GAD2: variants seen among roughly 807,000 people sequenced by gnomAD.
The protein encoded by GAD2 is 65 kDa glutamic acid decarboxylase.
A neutral mutation model predicts 80.1 loss-of-function variants in GAD2; 22 were observed. The ratio of observed to expected loss-of-function variants is 0.27; its 90% CI spans 0.20 to 0.39. The LOEUF is 0.39. Ranked by LOEUF, GAD2 falls within the 10% of genes least tolerant of loss-of-function variation. The pLI is 1.00. For missense variants in GAD2, 624 were observed against 738.4 expected, an observed-to-expected ratio of 0.85 and a Z score of 1.80; for synonymous variants, 274 against 256.9, an observed-to-expected ratio of 1.07 and a Z score of -0.64.
chr10:26,269,558 G>A (rs958293486), intron 9 of GAD2, among the ~76,000 whole-genome samples: 2 of 152,204 alleles, frequency 1.3e-5, no homozygotes, highest in African/African-American at 4.8e-5. Flanking sequence ...TTTTTCCCGT[G>A]TAGGTGCATG....
At chr10:26,286,952 G>A (rs986238390) in intron 13 of GAD2, among the ~76,000 whole-genome samples, 2 of 151,102 alleles carry the variant, frequency 1.3e-5, no homozygotes, top group African/African-American at 4.8e-5. Context: ...TAGTTACAAA[G>A]CTTTTTATTT....
chr10:26,280,979 CCACCCG>C (rs1845264408), intron 11 of GAD2, 24 bp from the exon 12 acceptor site: 4 of 1,572,448 alleles, frequency 2.5e-6, no homozygotes, highest in Non-Finnish European at 2.6e-6. Context: ...GGGTGGAGTG[CCACCCG>C]CTTATGTGAT....
intron 8 of GAD2, among the ~76,000 whole-genome samples, chr10:26,267,588 T>A (rs372234585): frequency 6.6e-6 from 1 of 152,196 alleles, no homozygotes; most frequent in Middle Eastern, 3.2e-3. Flanking sequence ...CAAATGTAAC[T>A]GTAATGCCCC....
At chr10:26,252,587 G>C (rs1844892317) in intron 8 of GAD2, among the ~76,000 whole-genome samples, 1 of 152,100 alleles carries the variant, frequency 6.6e-6, no homozygotes, top group South Asian at 2.1e-4. Context: ...CTGACCTCAG[G>C]TGATCCACCC....
At chr10:26,283,839 C>G (rs553165364) in intron 12 of GAD2, among the ~76,000 whole-genome samples, 2 of 152,328 alleles carry the variant, frequency 1.3e-5, no homozygotes, top group South Asian at 2.1e-4. Flanking sequence ...GATTAGATGA[C>G]TGCATCAGAA....
chr10:26,225,191 G>T (rs1005918069), intron 6 of GAD2, among the ~76,000 whole-genome samples: 4 of 152,092 alleles, frequency 2.6e-5, no homozygotes, highest in African/African-American at 9.7e-5. Flanking sequence ...AAAAATAGAG[G>T]GTGACGATTT....
intron 6 of GAD2, among the ~76,000 whole-genome samples, chr10:26,225,701 A>G (rs954622037): frequency 6.6e-6 from 1 of 152,228 alleles, no homozygotes. Context: ...GGCTTAAGTT[A>G]AGCATGTTTG....
Position 26,241,179 on chromosome 10 carries a change from G to A in GAD2, c.841-4742G>A, listed in dbSNP as rs1301799968. ...AGAAATATGATTTAATCCTAAATAAGCACTAGATTCTATTATCAAGGCTCT... is the reference window on the plus strand; with the variant it reads ...AGAAATATGATTTAATCCTAAATAAACACTAGATTCTATTATCAAGGCTCT... On this transcript the variant is annotated intron_variant, in intron 7 of 15. Coordinates refer to ENST00000376261, the MANE Select transcript of GAD2 (RefSeq NM_001134366.2). 9.2e-5 allele frequency among the ~76,000 whole-genome samples: 14 copies of A among 152,176 alleles called. No homozygotes were observed. In the East Asian group the frequency reaches 2.7e-3, roughly 29 times the overall value.
Position 26,279,984 on chromosome 10 carries a change from T to G in GAD2, c.1158-1025T>G, listed in dbSNP as rs374357876. Among the ~76,000 whole-genome samples the G allele has an allele frequency of 3.9e-5, 6 of 152,350 alleles. No homozygotes were observed. The East Asian group carries it at 1.2e-3, about 29-fold the overall frequency. On this transcript the variant is annotated intron_variant, in intron 11 of 15. Transcript: ENST00000376261. ...TAAGCAGTGGAATGAGCCCTCTCTT[T>G]GAGCTCCAGGACACTGCAATAGCAA...
At chr10:26,286,222 C>G in intron 12 of GAD2, 123 bp from the exon 13 acceptor site, 1 of 875,120 alleles carries the variant, frequency 1.1e-6, no homozygotes, top group Non-Finnish European at 1.7e-6. Context: ...AAAATTGATT[C>G]TTACTGTTTT....
intron 6 of GAD2, among the ~76,000 whole-genome samples, chr10:26,225,692 G>C (rs962818514): frequency 1.3e-5 from 2 of 152,182 alleles, no homozygotes; most frequent in African/African-American, 4.8e-5. Context: ...CAAGGCCAGG[G>C]CTTAAGTTAA....
intron 7 of GAD2, among the ~76,000 whole-genome samples, chr10:26,237,578 C>T (rs1844690415): frequency 6.6e-6 from 1 of 152,020 alleles, no homozygotes; most frequent in African/African-American, 2.4e-5. Context: ...CAGTGATTTC[C>T]TTAAGAGGGA....
intron 8 of GAD2, among the ~76,000 whole-genome samples, chr10:26,249,862 G>A (rs1181477428): frequency 6.6e-6 from 1 of 152,122 alleles, no homozygotes; most frequent in Non-Finnish European, 1.5e-5. Flanking sequence ...TGGGGGAAAG[G>A]GACCATGGAC....
chr10:26,254,689 A>G (rs1238473464), intron 8 of GAD2, among the ~76,000 whole-genome samples: 2 of 152,252 alleles, frequency 1.3e-5, no homozygotes. Flanking sequence ...GCAGGGGAAC[A>G]ACAGCATATT....
rs1247305898 is a variant in GAD2, at chr10:26,304,382, A to C, written c.*3421A>C. The C allele has an allele frequency of 2.6e-5, 4 of 152,668 alleles. No homozygotes were observed. The highest frequency in any genetic ancestry group is 1.3e-4 in the Admixed American group (2 of 15,274). 9.5% of individuals were successfully genotyped at this position (152,668 alleles called of 1,614,324 possible). The stretch of plus-strand genomic sequence containing the variant: ...ACCGTTCCCAAATTGGTGTTTCTGA[A>C]TGACATCAACATTCCCCCAACATTA... On this transcript the variant is annotated 3_prime_UTR_variant, in exon 16 of 16. Coordinates refer to ENST00000376261, the MANE Select transcript of GAD2 (RefSeq NM_001134366.2).
At position 26,247,450 on chromosome 10, in the gene GAD2, A is replaced by G. The variant is rs12258527; in HGVS notation, c.920+1450A>G. ...CTCAGCCTCATTTTCCCCAGCTCCT[A>G]TTCAAGATGGAGTTACTCATATTCA... On this transcript the variant is annotated intron_variant, in intron 8 of 15. Coordinates refer to ENST00000376261, the MANE Select transcript of GAD2 (RefSeq NM_001134366.2). Among the ~76,000 whole-genome samples, 477 of 152,200 alleles carry G rather than the reference A, an allele frequency of 3.1e-3. 6 individuals carry two copies. The highest frequency in any genetic ancestry group is 0.011 in the African/African-American group (450 of 41,534).
chr10:26,246,051 C>A (rs1844805690), intron 8 of GAD2, 51 bp downstream of exon 8: 2 of 1,467,452 alleles, frequency 1.4e-6, no homozygotes, highest in African/African-American at 2.8e-5. Flanking sequence ...AAATTCCACA[C>A]AAGTAGTGCC....
chr10:26,281,075 G>A lies in GAD2; in HGVS notation c.1224G>A (p.Leu408=). The change falls in exon 12 of 16, where the codon CTG becomes CTA. Residue 408 remains leucine (L), a synonymous_variant. Transcript: ENST00000376261. Reference sequence around the variant, plus strand: ...TCCCTTTGCAGTGCTCTGCTCTCCTGGTTAGAGAAGAGGTATGTCTCTCTT... The same window carrying A: ...TCCCTTTGCAGTGCTCTGCTCTCCTAGTTAGAGAAGAGGTATGTCTCTCTT... ...MGVPLQCSAL[L]VREEGLMQNC... The A allele has an allele frequency of 1.9e-6, 3 of 1,611,514 alleles. No homozygotes were observed. The highest frequency in any genetic ancestry group is 2.5e-6 in the Non-Finnish European group (3 of 1,177,842).
chr10:26,219,531 A>G (rs933371010), intron 4 of GAD2, among the ~76,000 whole-genome samples: 1 of 152,212 alleles, frequency 6.6e-6, no homozygotes, highest in Non-Finnish European at 1.5e-5. Flanking sequence ...CGTTGCATGT[A>G]TTTGGACACG....
Sources: gnomAD v4.1 joint callset for allele counts (sites outside exome capture counted in the v4.1 genomes callset) on GRCh38, gnomAD v4.1.1 for gene constraint, MANE v1.5 for transcripts, NCBI Gene and HGNC (gene_info 2026-07-23, HGNC 2026-07-21) for gene names.